Variants in MTMR7 observed in about 807,000 individuals in gnomAD.
The protein encoded by MTMR7 is phosphatidylinositol-3-phosphate phosphatase MTMR7.
Under a neutral mutation model 81.2 loss-of-function variants are expected in MTMR7, and 76 were observed. The observed-to-expected ratio is 0.94, with a 90% confidence interval of 0.78 to 1.13. MTMR7 has a LOEUF of 1.13. Ranked by LOEUF, MTMR7 falls within the 50% of genes most tolerant of loss-of-function variation. The pLI is 0.00. For synonymous variants in MTMR7, 372 were observed against 289.8 expected (o/e 1.28, Z -2.88); for missense variants, 1,044 against 820.0 (o/e 1.27, Z -3.34).
intron 1 of MTMR7, among the ~76,000 whole-genome samples, chr8:17,394,015 C>A (rs939765819): frequency 6.6e-6 from 1 of 152,082 alleles, no homozygotes; most frequent in Non-Finnish European, 1.5e-5. Flanking sequence ...CGCTTCACAC[C>A]CATTAGGATA....
At chr8:17,315,999 G>C (rs909493668) in intron 7 of MTMR7, among the ~76,000 whole-genome samples, 6 of 152,202 alleles carry the variant, frequency 3.9e-5, no homozygotes, top group Non-Finnish European at 7.3e-5. Flanking sequence ...GGTGATGACA[G>C]AGCCAGATCC....
chr8:17,362,800 C>G (rs1820098116), intron 3 of MTMR7, among the ~76,000 whole-genome samples: 1 of 152,092 alleles, frequency 6.6e-6, no homozygotes, highest in Non-Finnish European at 1.5e-5. Context: ...TATGTGTAGC[C>G]CTTTATAGAA....
rs148466040 is a variant in MTMR7 at position 17,356,596 on chromosome 8, C to T, written c.468+4521G>A. Among the ~76,000 whole-genome samples the T allele has an allele frequency of 7.5e-3, 1,143 of 152,116 alleles. 8 individuals are homozygous for T. The highest frequency in any genetic ancestry group is 0.011 in the Non-Finnish European group (729 of 68,012). On this transcript the variant is annotated intron_variant, in intron 4 of 13. Coordinates refer to ENST00000180173, the MANE Select transcript of MTMR7 (RefSeq NM_004686.5). ...GGTTGTGGTGGTGGGTGTCTGTAAT[C>T]CCAGCTACTTGGGAGGCTGAGGCAG...
intron 7 of MTMR7, among the ~76,000 whole-genome samples, chr8:17,323,675 T>C (rs11997017): frequency 0.029 from 4,429 of 152,204 alleles, 216 homozygotes; most frequent in African/African-American, 0.1. Flanking sequence ...ACACACCTCA[T>C]GCCAGCTGAG....
intron 4 of MTMR7, among the ~76,000 whole-genome samples, chr8:17,349,823 T>C (rs1255106961): frequency 1.3e-5 from 2 of 152,192 alleles, no homozygotes; most frequent in African/African-American, 2.4e-5. Context: ...AAGGGTGCCT[T>C]GGAAGGATCT....
intron 10 of MTMR7, among the ~76,000 whole-genome samples, chr8:17,306,560 T>A (rs1349628890): frequency 1.3e-5 from 2 of 152,182 alleles, no homozygotes; most frequent in South Asian, 2.1e-4. Flanking sequence ...TTCCTCAAAT[T>A]TGTATTGATT....
At chr8:17,311,151 T>A (rs1480566292) in intron 9 of MTMR7, among the ~76,000 whole-genome samples, 1 of 152,156 alleles carries the variant, frequency 6.6e-6, no homozygotes, top group Non-Finnish European at 1.5e-5. Flanking sequence ...CCAAAATATT[T>A]TTTCTAAAAA....
rs751661074 is a variant in MTMR7, at chr8:17,349,027, T to C, written c.523A>G (p.Ile175Val). The C allele has an allele frequency of 3.1e-6, 5 of 1,613,040 alleles. No individual in the cohort carries two copies. Among genetic ancestry groups the C allele is most frequent in the East Asian group, 4.5e-5 (2 of 44,832 alleles). The change falls in exon 5 of 14, where the codon ATC becomes GTC. Residue 175 changes from isoleucine (I) to valine (V), a missense_variant. Transcript: ENST00000180173. ...CGGAATTTGGAACTCCCCACTATGA[T>C]GTGTGCCGTGGCCGATTTGGGAACG... ...LYVPKSATAH[I>V]IVGSSKFRSR...
At chr8:17,302,108 A>G (rs891227887) in intron 13 of MTMR7, 46 bp downstream of exon 13, 2 of 1,612,738 alleles carry the variant, frequency 1.2e-6, no homozygotes, top group Non-Finnish European at 1.7e-6. Context: ...CTTGCTCTTC[A>G]AGAAATAAGC....
intron 1 of MTMR7, among the ~76,000 whole-genome samples, chr8:17,399,062 T>G (rs1214628634): frequency 6.6e-6 from 1 of 151,928 alleles, no homozygotes; most frequent in Non-Finnish European, 1.5e-5. Context: ...TTGTCTACGA[T>G]CTGGAACACA....
intron 4 of MTMR7, among the ~76,000 whole-genome samples, chr8:17,353,068 T>A (rs1359667658): frequency 6.6e-6 from 1 of 152,140 alleles, no homozygotes; most frequent in East Asian, 1.9e-4. Context: ...GATGAATGGA[T>A]AAGCAAAATG....
At chr8:17,348,038 A>G (rs999808286) in intron 5 of MTMR7, among the ~76,000 whole-genome samples, 3 of 152,204 alleles carry the variant, frequency 2.0e-5, no homozygotes, top group Non-Finnish European at 4.4e-5. Flanking sequence ...GGGTGGGGCC[A>G]GGCTACCAGG....
In MTMR7 at chr8:17,353,815, C is replaced by T. The variant is rs185180536; in HGVS notation, c.469-4734G>A. The stretch of plus-strand genomic sequence containing the variant: ...GTGCTCCACTAAATTAATTGACCTT[C>T]CTGGAGTGCCCACATCCCTTGGTGC... On this transcript the variant is annotated intron_variant, in intron 4 of 13. Transcript: ENST00000180173. Among the ~76,000 whole-genome samples the T allele has an allele frequency of 7.9e-5, 12 of 152,318 alleles. 1 individual carries two copies. The highest frequency in any genetic ancestry group is 7.8e-4 in the Admixed American group (12 of 15,304).
At chr8:17,329,496 G>T (rs182060136) in intron 7 of MTMR7, among the ~76,000 whole-genome samples, 1 of 152,290 alleles carries the variant, frequency 6.6e-6, no homozygotes, top group East Asian at 1.9e-4. Flanking sequence ...CATAAGGGCA[G>T]GAGAAATGGT....
chr8:17,366,248 A>G (rs1198142437), intron 3 of MTMR7, among the ~76,000 whole-genome samples: 3 of 152,190 alleles, frequency 2.0e-5, no homozygotes, highest in Non-Finnish European at 4.4e-5. Flanking sequence ...GTACAACAAA[A>G]CATTAGGGAA....
At chr8:17,368,841 CTA>C (rs1271404294) in intron 3 of MTMR7, among the ~76,000 whole-genome samples, 1 of 152,190 alleles carries the variant, frequency 6.6e-6, no homozygotes, top group Non-Finnish European at 1.5e-5. Flanking sequence ...CAGTGAATGA[CTA>C]TGATTTCTTT....
chr8:17,335,020 A>G (rs991021641), intron 6 of MTMR7, among the ~76,000 whole-genome samples: 1 of 152,188 alleles, frequency 6.6e-6, no homozygotes, highest in Non-Finnish European at 1.5e-5. Flanking sequence ...AGGGTCCACT[A>G]CAACAGGCCC....
chr8:17,299,852 A>T lies in MTMR7; in HGVS notation c.*10T>A. On this transcript the variant is annotated 3_prime_UTR_variant, in exon 14 of 14. Transcript: ENST00000180173. ...ATGTGTCCTTTACTTTGGAACTCCA[A>T]AGGGAAACTTCAGGCAGTGAGAAAC... The T allele has an allele frequency of 6.2e-7, 1 of 1,613,378 alleles. No homozygotes were observed. The highest frequency in any genetic ancestry group is 1.1e-5 in the South Asian group (1 of 91,046).
intron 1 of MTMR7, among the ~76,000 whole-genome samples, chr8:17,407,187 G>T (rs888615527): frequency 6.6e-6 from 1 of 151,934 alleles, no homozygotes; most frequent in African/African-American, 2.4e-5. Context: ...TTATTAAAAT[G>T]GGGAAAATAT....
Sources: allele counts gnomAD v4.1 joint callset (sites outside exome capture counted in the v4.1 genomes callset), GRCh38; gene constraint gnomAD v4.1.1; transcripts MANE v1.5; gene names NCBI Gene and HGNC (gene_info 2026-07-23, HGNC 2026-07-21).